Variants in COL23A1 observed in about 807,000 individuals in gnomAD.
COL23A1 encodes the protein collagen type XXIII alpha 1 chain, also known as collagen alpha-1(XXIII) chain.
COL23A1 carries 97 observed loss-of-function variants against 99.3 expected under a neutral mutation model. The observed-to-expected ratio is 0.98, with a 90% confidence interval of 0.83 to 1.16. The LOEUF is 1.16. Among genes scored for constraint, COL23A1 ranks in the 50% most tolerant of loss-of-function variants. The probability of loss-of-function intolerance (pLI) is 0.00; values close to 1 mark genes in which losing one functional copy is unlikely to be tolerated. For synonymous variants in COL23A1, 320 were observed against 308.2 expected, an observed-to-expected ratio of 1.04 and a Z score of -0.40; for missense variants, 762 against 757.4, an observed-to-expected ratio of 1.01 and a Z score of -0.07.
chr5:178,448,080 C>G (rs981331534), intron 2 of COL23A1, among the ~76,000 whole-genome samples: 16 of 152,150 alleles, frequency 1.1e-4, no homozygotes, highest in African/African-American at 3.9e-4. Context: ...CATGAGGGCT[C>G]TCCCCTCGTG....
chr5:178,324,768 C>G (rs960776490), intron 2 of COL23A1, among the ~76,000 whole-genome samples: 5 of 152,190 alleles, frequency 3.3e-5, no homozygotes. Context: ...GGTCGAATGG[C>G]CAGAACCAAG....
chr5:178,461,715 C>T (rs932414173), intron 2 of COL23A1, among the ~76,000 whole-genome samples: 2 of 152,168 alleles, frequency 1.3e-5, no homozygotes, highest in Non-Finnish European at 2.9e-5. Flanking sequence ...ATTCACCTAA[C>T]AGGGAGTTTG....
At chr5:178,249,406 C>T (rs990758089) in intron 18 of COL23A1, among the ~76,000 whole-genome samples, 200 bp from the exon 19 acceptor site, 12 of 152,144 alleles carry the variant, frequency 7.9e-5, no homozygotes, top group East Asian at 1.9e-4. Context: ...TCATTGCATC[C>T]GGGTGTGGGC....
chr5:178,425,581 T>G, intron 2 of COL23A1, among the ~76,000 whole-genome samples: 1 of 152,008 alleles, frequency 6.6e-6, no homozygotes, highest in Non-Finnish European at 1.5e-5. Context: ...TTGAGATGTA[T>G]GGAAATCAAA....
chr5:178,549,854 T>TAAAAACAAAAACAAAAACAAA, intron 2 of COL23A1, among the ~76,000 whole-genome samples: 1 of 152,236 alleles, frequency 6.6e-6, no homozygotes, highest in Non-Finnish European at 1.5e-5. Flanking sequence ...ACAATTTCTT[T>TAAAAACAAAAACAAAAACAAA]AACAACAAAA....
chr5:178,362,163 G>A (rs969631488), intron 2 of COL23A1, among the ~76,000 whole-genome samples: 12 of 152,222 alleles, frequency 7.9e-5, no homozygotes, highest in Non-Finnish European at 1.6e-4. Context: ...CTGGTGAGAG[G>A]TGGTGTGCAG....
At chr5:178,585,510 C>T (rs1763912322) in intron 1 of COL23A1, among the ~76,000 whole-genome samples, 1 of 145,564 alleles carries the variant, frequency 6.9e-6, no homozygotes, top group South Asian at 2.2e-4. Context: ...TGGAGTAACA[C>T]TCCACGTCCC....
At chr5:178,585,746 C>CAGG in intron 1 of COL23A1, among the ~76,000 whole-genome samples, 1 of 93,032 alleles carries the variant, frequency 1.1e-5, no homozygotes, top group South Asian at 3.4e-4. Flanking sequence ...CCCTGGCTGA[C>CAGG]CCTGTTGGTT....
Position 178,365,377 on chromosome 5 carries a change from GC to G in COL23A1, c.362-58459del, listed in dbSNP as rs1762414702. On this transcript the variant is annotated intron_variant, in intron 2 of 28. Coordinates refer to ENST00000390654, the MANE Select transcript of COL23A1 (RefSeq NM_173465.4). This position sits in a 1 kb window ranked among gnomAD's most constrained non-coding sequence, Gnocchi z 5.2. The stretch of plus-strand genomic sequence containing the variant: ...TCCTCCCTGCATATGGCCTCAGGCA[GC>G]TCAAGGCTTAGCTTCCCACTGGCCT... Among the ~76,000 whole-genome samples, 1 of 152,076 alleles carries G rather than the reference GC, an allele frequency of 6.6e-6. No homozygotes were observed. Among genetic ancestry groups the G allele is most frequent in the South Asian group, 2.1e-4 (1 of 4,826 alleles).
At chr5:178,533,075 T>C (rs1311979682) in intron 2 of COL23A1, among the ~76,000 whole-genome samples, 1 of 152,146 alleles carries the variant, frequency 6.6e-6, no homozygotes, top group African/African-American at 2.4e-5. Context: ...GTCTGTAAGA[T>C]GGGGAAATGC....
At chr5:178,312,146 G>T (rs973884069) in intron 2 of COL23A1, among the ~76,000 whole-genome samples, 1 of 152,232 alleles carries the variant, frequency 6.6e-6, no homozygotes, top group Non-Finnish European at 1.5e-5. Context: ...GCCCTTGACT[G>T]CACTTTGAGC....
intron 1 of COL23A1, among the ~76,000 whole-genome samples, chr5:178,578,943 G>C (rs1763529273): frequency 6.6e-6 from 1 of 151,052 alleles, no homozygotes; most frequent in South Asian, 2.1e-4. Flanking sequence ...TTTTTATTTT[G>C]GTCATGACTT....
rs912152487 is a variant in COL23A1 at position 178,365,914 on chromosome 5, AG to A, written c.362-58996del. ...TCTGGAGTCAGTGAACACAGCAGGAAGGGGGGATGGTCAAGCGCACCACAGG... is the reference window on the plus strand; with the variant it reads ...TCTGGAGTCAGTGAACACAGCAGGAAGGGGGATGGTCAAGCGCACCACAGG... On this transcript the variant is annotated intron_variant, in intron 2 of 28. Coordinates refer to ENST00000390654, the MANE Select transcript of COL23A1 (RefSeq NM_173465.4). The surrounding 1 kb of genome is among the most constrained non-coding windows in gnomAD (Gnocchi z 5.2). Among the ~76,000 whole-genome samples the A allele has an allele frequency of 5.3e-5, 8 of 152,146 alleles. No individual in the cohort carries two copies. Among genetic ancestry groups the A allele is most frequent in the African/African-American group, 1.7e-4 (7 of 41,504 alleles).
intron 3 of COL23A1, among the ~76,000 whole-genome samples, chr5:178,304,376 T>C (rs1261187344): frequency 6.6e-6 from 1 of 151,692 alleles, no homozygotes; most frequent in Admixed American, 6.6e-5. Flanking sequence ...CTGGGCGTGG[T>C]GACGCGTGCC....
Position 178,544,762 on chromosome 5 carries a change from C to T in COL23A1, c.361+15920G>A, listed in dbSNP as rs1267601675. On this transcript the variant is annotated intron_variant, in intron 2 of 28. Transcript: ENST00000390654. This position sits in a 1 kb window ranked among gnomAD's most constrained non-coding sequence, Gnocchi z 4.4. ...CAGGTCACCTGCTGCCCCCGTGCCACTGGGGTAGTACGTTCGGGCCAGACG... is the reference window on the plus strand; with the variant it reads ...CAGGTCACCTGCTGCCCCCGTGCCATTGGGGTAGTACGTTCGGGCCAGACG... Among the ~76,000 whole-genome samples the T allele has an allele frequency of 3.9e-5, 6 of 152,174 alleles. No individual in the cohort carries two copies. Among genetic ancestry groups the T allele is most frequent in the South Asian group, 2.1e-4 (1 of 4,830 alleles).
chr5:178,270,483 G>C (rs1303302937), intron 5 of COL23A1, 120 bp from the exon 6 acceptor site: 4 of 1,222,406 alleles, frequency 3.3e-6, no homozygotes, highest in Non-Finnish European at 4.7e-6. Flanking sequence ...CCCCGCGTCT[G>C]GGTTCAGTCC....
intron 5 of COL23A1, among the ~76,000 whole-genome samples, chr5:178,283,689 G>GT (rs1333728996): frequency 1.3e-5 from 2 of 152,206 alleles, no homozygotes; most frequent in Non-Finnish European, 2.9e-5. Context: ...AGCAAACATT[G>GT]TGACATTGTA....
chr5:178,259,200 C>T (rs1397721672), intron 12 of COL23A1, among the ~76,000 whole-genome samples: 1 of 152,172 alleles, frequency 6.6e-6, no homozygotes, highest in East Asian at 1.9e-4. Context: ...GGATTGCAGG[C>T]ATGAGCCAGT....
intron 2 of COL23A1, among the ~76,000 whole-genome samples, chr5:178,502,493 T>A (rs1581517205): frequency 6.6e-6 from 1 of 152,130 alleles, no homozygotes; most frequent in Non-Finnish European, 1.5e-5. Flanking sequence ...TCTAAACACA[T>A]GGAAAGATCC....
Sources: gnomAD v4.1 joint callset for allele counts (sites outside exome capture counted in the v4.1 genomes callset) on GRCh38, gnomAD v4.1.1 for gene constraint, Gnocchi (gnomAD v3.1) non-coding constraint, MANE v1.5 for transcripts, NCBI Gene and HGNC (gene_info 2026-07-23, HGNC 2026-07-21) for gene names.